Variants in PCDH15 observed in about 807,000 individuals in gnomAD.
The protein encoded by PCDH15 is protocadherin-15.
A neutral mutation model predicts 178.5 loss-of-function variants in PCDH15; 129 were observed. That is an observed-to-expected ratio of 0.72 (90% CI 0.63 to 0.84). PCDH15 has a LOEUF of 0.84. Among genes scored for constraint, PCDH15 ranks in the 40% least tolerant of loss-of-function variants. The pLI is 0.00. For missense variants in PCDH15, 2,230 were observed against 2,099.9 expected, an observed-to-expected ratio of 1.06 and a Z score of -1.21; for synonymous variants, 800 against 732.0, an observed-to-expected ratio of 1.09 and a Z score of -1.50.
chr10:55,053,192 C>T (rs1341326646), intron 2 of PCDH15, among the ~76,000 whole-genome samples: 1 of 152,072 alleles, frequency 6.6e-6, no homozygotes, highest in Non-Finnish European at 1.5e-5. Flanking sequence ...TTATTCAAGA[C>T]CTCACATTTG....
intron 1 of PCDH15, among the ~76,000 whole-genome samples, chr10:54,708,247 T>C (rs1296575031): frequency 2.0e-5 from 3 of 152,132 alleles, no homozygotes; most frequent in African/African-American, 7.2e-5. Context: ...TAAGGCCAGT[T>C]TTTTCTTGTG....
chr10:54,217,401 C>T (rs2052216318), intron 9 of PCDH15, among the ~76,000 whole-genome samples: 1 of 152,060 alleles, frequency 6.6e-6, no homozygotes, highest in Non-Finnish European at 1.5e-5. Context: ...AAGCTATCTA[C>T]AGTAATCATA....
intron 2 of PCDH15, among the ~76,000 whole-genome samples, chr10:55,539,033 G>A (rs28612241): frequency 0.18 from 10,724 of 57,998 alleles, 2,255 homozygotes; most frequent in Middle Eastern, 0.37. Flanking sequence ...CCTTCCTTGC[G>A]TCCTTCCTTC....
chr10:54,657,605 A>G (rs927776388), intron 2 of PCDH15, among the ~76,000 whole-genome samples: 31 of 152,300 alleles, frequency 2.0e-4, no homozygotes, highest in African/African-American at 7.5e-4. Flanking sequence ...AAGATTACCC[A>G]CAATCAAGGA....
chr10:55,041,241 G>T (rs1840856668), intron 2 of PCDH15, among the ~76,000 whole-genome samples: 1 of 152,054 alleles, frequency 6.6e-6, no homozygotes, highest in African/African-American at 2.4e-5. Flanking sequence ...AGGCAAAAAT[G>T]CAAGTAGTCA....
chr10:55,557,540 A>G (rs2132094652), intron 2 of PCDH15, among the ~76,000 whole-genome samples: 1 of 152,250 alleles, frequency 6.6e-6, no homozygotes, highest in Non-Finnish European at 1.5e-5. Context: ...GCATGAGACG[A>G]TAGCCCCCTT....
intron 24 of PCDH15, among the ~76,000 whole-genome samples, chr10:53,940,069 C>G (rs1389997062): frequency 2.0e-5 from 3 of 152,052 alleles, no homozygotes; most frequent in Non-Finnish European, 4.4e-5. Context: ...CTTAACAGGG[C>G]CTTTATAATT....
At chr10:54,104,671 A>C (rs1215932215) in intron 15 of PCDH15, among the ~76,000 whole-genome samples, 2 of 91,948 alleles carry the variant, frequency 2.2e-5, no homozygotes, top group Non-Finnish European at 5.6e-5. Flanking sequence ...CCCCGTCTCT[A>C]CTAAAAATAC....
chr10:54,467,273 T>A (rs1424938375), intron 3 of PCDH15, among the ~76,000 whole-genome samples: 1 of 151,918 alleles, frequency 6.6e-6, no homozygotes, highest in Non-Finnish European at 1.5e-5. Context: ...TCCCTTTCAG[T>A]ATTATGTTAG....
intron 21 of PCDH15, among the ~76,000 whole-genome samples, chr10:53,977,461 G>A (rs2090278066): frequency 6.6e-6 from 1 of 152,178 alleles, no homozygotes; most frequent in African/African-American, 2.4e-5. Context: ...CCAAACCCCT[G>A]ACATTTCAGT....
At chr10:53,838,661 A>T (rs956093511) in intron 29 of PCDH15, among the ~76,000 whole-genome samples, 1 of 152,218 alleles carries the variant, frequency 6.6e-6, no homozygotes, top group African/African-American at 2.4e-5. Flanking sequence ...ATTCACATAA[A>T]AAAGAAATGT....
At chr10:54,069,791 A>G (rs201188188) in intron 17 of PCDH15, among the ~76,000 whole-genome samples, 1 of 152,192 alleles carries the variant, frequency 6.6e-6, no homozygotes, top group East Asian at 1.9e-4. Flanking sequence ...ATGTCTTATT[A>G]AGGAAAGACT....
chr10:55,529,299 G>T (rs567548148), intron 2 of PCDH15, among the ~76,000 whole-genome samples: 233 of 152,048 alleles, frequency 1.5e-3, no homozygotes, highest in African/African-American at 5.3e-3. Context: ...TGAAGTCTTT[G>T]CCCATGCCTA....
chr10:54,808,310 G>A (rs1230884563), intron 3 of PCDH15, among the ~76,000 whole-genome samples: 1 of 152,104 alleles, frequency 6.6e-6, no homozygotes, highest in African/African-American at 2.4e-5. Flanking sequence ...GTTGTTGAGG[G>A]AAAACTGGCA....
intron 29 of PCDH15, among the ~76,000 whole-genome samples, chr10:53,836,629 T>C (rs2077325265): frequency 6.6e-6 from 1 of 152,220 alleles, no homozygotes; most frequent in African/African-American, 2.4e-5. Context: ...AATTCCTGAA[T>C]AGCTTTACTT....
At chr10:54,649,382 T>A (rs2094204343) in intron 2 of PCDH15, among the ~76,000 whole-genome samples, 1 of 151,856 alleles carries the variant, frequency 6.6e-6, no homozygotes, top group Non-Finnish European at 1.5e-5. Context: ...TATAATGCTC[T>A]AATTTTTCCT....
At chr10:54,398,441 A>ATTT (rs1329176191) in intron 3 of PCDH15, among the ~76,000 whole-genome samples, 11 of 151,936 alleles carry the variant, frequency 7.2e-5, no homozygotes, top group Admixed American at 1.3e-4. Flanking sequence ...ATCTCTAGCA[A>ATTT]TTTTTTATAT....
chr10:53,830,019 A>G (rs2076924365), intron 30 of PCDH15, among the ~76,000 whole-genome samples: 1 of 152,094 alleles, frequency 6.6e-6, no homozygotes. Flanking sequence ...CATAAGGACT[A>G]TTGGCTGGGC....
intron 3 of PCDH15, among the ~76,000 whole-genome samples, chr10:54,427,484 G>A (rs141405845): frequency 6.6e-6 from 1 of 151,460 alleles, no homozygotes; most frequent in African/African-American, 2.4e-5. Context: ...CTCCTTGTTG[G>A]TCACGCTTGT....
Sources: allele counts gnomAD v4.1 joint callset (sites outside exome capture counted in the v4.1 genomes callset), GRCh38; gene constraint gnomAD v4.1.1; transcripts MANE v1.5; gene names NCBI Gene and HGNC (gene_info 2026-07-23, HGNC 2026-07-21).